Variants in ZFX observed in about 807,000 individuals in gnomAD.
ZFX encodes zinc finger X-chromosomal protein.
For synonymous variants in ZFX, 196 were observed against 226.8 expected, an observed-to-expected ratio of 0.86 and a Z score of 1.22; for missense variants, 362 against 628.3, an observed-to-expected ratio of 0.58 and a Z score of 4.53.
At position 24,211,954 on chromosome X, in the gene ZFX, G is replaced by A. The variant is rs1232727511; in HGVS notation, c.*578G>A. 8.8e-6 allele frequency: 1 copy of A among 113,076 alleles called. No homozygotes were observed. Among genetic ancestry groups the A allele is most frequent in the Admixed American group, 9.4e-5 (1 of 10,617 alleles). The allele number at this position is 113,076 out of a possible 1,213,427, so 9.3% of individuals were successfully genotyped here. A position where few individuals can be genotyped will look rare whatever the true frequency, so the allele number is the denominator to read the frequency against. ...TGCGTCCCTGGCTTTGCTGAGTAAA[G>A]AGCAGTGGCTGGGTTCGTGTTTACT... On this transcript the variant is annotated 3_prime_UTR_variant, in exon 10 of 10. Coordinates refer to ENST00000304543, the MANE Select transcript of ZFX (RefSeq NM_003410.4).
intron 3 of ZFX, among the ~76,000 whole-genome samples, chrX:24,157,907 C>T (rs1427898171): frequency 1.8e-5 from 2 of 111,116 alleles, no homozygotes; most frequent in East Asian, 2.8e-4. Flanking sequence ...TACAGGTGCA[C>T]GCTGCCACGC....
At chrX:24,162,414 A>G (rs1393240102) in intron 3 of ZFX, among the ~76,000 whole-genome samples, 2 of 112,315 alleles carry the variant, frequency 1.8e-5, no homozygotes, top group African/African-American at 3.2e-5. Context: ...TAGATATAGC[A>G]TATGCAAATA....
chrX:24,190,492 G>A (rs765008096), intron 5 of ZFX, among the ~76,000 whole-genome samples: 101 of 112,018 alleles, frequency 9.0e-4, no homozygotes, highest in African/African-American at 3.1e-3. Flanking sequence ...AGGCAAAGAT[G>A]TTTTAGTTTC....
chrX:24,159,041 C>T (rs758419144), intron 3 of ZFX, among the ~76,000 whole-genome samples: 6 of 110,592 alleles, frequency 5.4e-5, no homozygotes, highest in South Asian at 7.6e-4. Context: ...CTTGCTCTGT[C>T]GCCCAGGTGG....
chrX:24,190,346 C>T (rs1037844437), intron 5 of ZFX, among the ~76,000 whole-genome samples: 5 of 111,731 alleles, frequency 4.5e-5, no homozygotes, highest in Non-Finnish European at 9.4e-5. Flanking sequence ...TATTTTAATC[C>T]ATCTAAAATT....
At position 24,212,404 on chromosome X, in the gene ZFX, C is replaced by G. The variant is rs763115671; in HGVS notation, c.*1028C>G. 1.8e-5 allele frequency: 2 copies of G among 111,995 alleles called. No individual in the cohort carries two copies. The highest frequency in any genetic ancestry group is 3.8e-5 in the Non-Finnish European group (2 of 53,124). The allele number at this position is 111,995 out of a possible 1,213,427, so 9.2% of individuals were successfully genotyped here. ...AGAGCATTTTGTAAGTCATGCTCTT[C>G]AGAGAGACTACTCAGGTGAAGAATT... On this transcript the variant is annotated 3_prime_UTR_variant, in exon 10 of 10. Coordinates refer to ENST00000304543, the MANE Select transcript of ZFX (RefSeq NM_003410.4).
At chrX:24,188,056 C>T (rs2704825) in intron 5 of ZFX, among the ~76,000 whole-genome samples, 33,282 of 108,813 alleles carry the variant, frequency 0.31, 3,854 homozygotes, top group South Asian at 0.63. Flanking sequence ...CCTGTAATCC[C>T]AGCTACTCAG....
intron 3 of ZFX, among the ~76,000 whole-genome samples, chrX:24,166,550 G>T (rs1569130988): frequency 8.9e-6 from 1 of 111,896 alleles, no homozygotes; most frequent in Non-Finnish European, 1.9e-5. Flanking sequence ...TTTTAGACTA[G>T]TTGATCTGTT....
chrX:24,178,224 C>G (rs1352602413), intron 4 of ZFX, among the ~76,000 whole-genome samples: 1 of 110,608 alleles, frequency 9.0e-6, no homozygotes, highest in Non-Finnish European at 1.9e-5. Context: ...GCCACTGCGC[C>G]CGGCCTACTT....
intron 4 of ZFX, among the ~76,000 whole-genome samples, chrX:24,175,874 C>T (rs1266289942): frequency 5.4e-5 from 6 of 110,656 alleles, no homozygotes; most frequent in East Asian, 5.7e-4. Context: ...CCACCGCGCC[C>T]GGCTGATTTA....
At chrX:24,156,621 C>CCTATCT (rs1317414351) in intron 3 of ZFX, among the ~76,000 whole-genome samples, 5 of 108,766 alleles carry the variant, frequency 4.6e-5, no homozygotes, top group Non-Finnish European at 9.5e-5. Context: ...GGTCTGTTTG[C>CCTATCT]CTATCTCTAT....
At chrX:24,153,685 C>A (rs1186047735) in intron 3 of ZFX, among the ~76,000 whole-genome samples, 6 of 111,231 alleles carry the variant, frequency 5.4e-5, no homozygotes, top group African/African-American at 1.6e-4. Flanking sequence ...TGGTGGGATT[C>A]CCCTTAATTT....
intron 4 of ZFX, among the ~76,000 whole-genome samples, chrX:24,176,219 A>G (rs1056568902): frequency 1.9e-5 from 2 of 105,776 alleles, no homozygotes; most frequent in East Asian, 6.1e-4. Flanking sequence ...TTGTATTTTT[A>G]GTAGAGATGG....
At chrX:24,156,658 G>A (rs1323017712) in intron 3 of ZFX, among the ~76,000 whole-genome samples, 2 of 55,104 alleles carry the variant, frequency 3.6e-5, no homozygotes, top group African/African-American at 2.5e-4. Flanking sequence ...TTTAATAATA[G>A]CCTTTTTTTT....
At chrX:24,168,744 A>G (rs1482811836) in intron 3 of ZFX, among the ~76,000 whole-genome samples, 1 of 82,409 alleles carries the variant, frequency 1.2e-5, no homozygotes, top group African/African-American at 4.7e-5. Context: ...ACTGTGAATT[A>G]TTTTCAGGAT....
At chrX:24,179,079 A>C in intron 4 of ZFX, 104 bp from the exon 5 acceptor site, 1 of 691,328 alleles carries the variant, frequency 1.4e-6, no homozygotes, top group Non-Finnish European at 2.2e-6. Flanking sequence ...GTTTAAGAAA[A>C]CTGAGGAGCT....
At chrX:24,174,418 G>A (rs1177696259) in intron 4 of ZFX, among the ~76,000 whole-genome samples, 4 of 98,686 alleles carry the variant, frequency 4.1e-5, no homozygotes, top group Non-Finnish European at 8.1e-5. Flanking sequence ...TTTTTGAGAC[G>A]GAGTCTTACT....
At chrX:24,163,872 G>A (rs371604361) in intron 3 of ZFX, among the ~76,000 whole-genome samples, 1 of 104,833 alleles carries the variant, frequency 9.5e-6, no homozygotes, top group African/African-American at 3.5e-5. Flanking sequence ...CATTACGATC[G>A]GGTTTTCTTT....
At chrX:24,175,614 G>A (rs1383767359) in intron 4 of ZFX, among the ~76,000 whole-genome samples, 1 of 110,692 alleles carries the variant, frequency 9.0e-6, no homozygotes, top group African/African-American at 3.3e-5. Flanking sequence ...GAATTGCTCT[G>A]TTGCCCAGGC....
Sources: gnomAD v4.1 joint callset for allele counts (sites outside exome capture counted in the v4.1 genomes callset) on GRCh38, gnomAD v4.1.1 for gene constraint, MANE v1.5 for transcripts, NCBI Gene and HGNC (gene_info 2026-07-23, HGNC 2026-07-21) for gene names.